The following TBC1D4 variants were observed in gnomAD, a reference collection of about 807,000 sequenced individuals.
TBC1D4 encodes the protein TBC (Tre-2, BUB2, CDC16) domain-containing protein.
In TBC1D4, 121 loss-of-function variants were observed where a neutral mutation model predicts 142.5. That is an observed-to-expected ratio of 0.85 (90% CI 0.73 to 0.99). The LOEUF (loss-of-function observed/expected upper bound fraction) is 0.99. TBC1D4 is among the 50% of genes least tolerant of loss of function. The probability of loss-of-function intolerance (pLI) is 0.00; values close to 1 mark genes in which losing one functional copy is unlikely to be tolerated. For synonymous variants in TBC1D4, 630 were observed against 628.2 expected, an observed-to-expected ratio of 1.00 and a Z score of -0.04; for missense variants, 1,475 against 1,606.6, an observed-to-expected ratio of 0.92 and a Z score of 1.40.
At chr13:75,292,598 T>G (rs1354214819) in intron 18 of TBC1D4, among the ~76,000 whole-genome samples, 2 of 151,990 alleles carry the variant, frequency 1.3e-5, no homozygotes, top group Non-Finnish European at 2.9e-5. Flanking sequence ...GATATTTAGA[T>G]TTTTCTTCAC....
At chr13:75,341,310 G>GT in intron 6 of TBC1D4, 75 bp from the exon 7 acceptor site, 5 of 1,450,246 alleles carry the variant, frequency 3.4e-6, no homozygotes, top group Non-Finnish European at 4.8e-6. Flanking sequence ...GCAGACAAAC[G>GT]TAAATAAAGC....
At chr13:75,405,423 C>T (rs1010607280) in intron 1 of TBC1D4, among the ~76,000 whole-genome samples, 1 of 152,044 alleles carries the variant, frequency 6.6e-6, no homozygotes, top group Non-Finnish European at 1.5e-5. Context: ...GTGCACGCTG[C>T]CATACCCAGC....
intron 1 of TBC1D4, among the ~76,000 whole-genome samples, chr13:75,411,204 T>C (rs1390989978): frequency 1.3e-5 from 2 of 152,188 alleles, no homozygotes; most frequent in African/African-American, 4.8e-5. Flanking sequence ...ACTCAAATTC[T>C]AATACTGATG....
At chr13:75,435,215 C>T (rs1397799547) in intron 1 of TBC1D4, among the ~76,000 whole-genome samples, 1 of 151,464 alleles carries the variant, frequency 6.6e-6, no homozygotes, top group African/African-American at 2.4e-5. Context: ...AAACTATCAA[C>T]AGTAAACAGA....
In TBC1D4 at chr13:75,481,432, G is replaced by A; in HGVS notation, c.336C>T (p.Pro112=). The part of the protein sequence containing the change: ...SGGTSPSATQ[P]NPAVFIFEHK... Reference sequence around the variant, plus strand: ...GCTCGAAGATGAATACCGCCGGGTTGGGCTGCGTGGCCGACGGACTAGTGC... The same window carrying A: ...GCTCGAAGATGAATACCGCCGGGTTAGGCTGCGTGGCCGACGGACTAGTGC... The change falls in exon 1 of 21, where the codon CCC becomes CCT. Residue 112 remains proline, a synonymous_variant. Coordinates refer to ENST00000377636, the MANE Select transcript of TBC1D4 (RefSeq NM_014832.5). 1 of 1,613,820 alleles carries A rather than the reference G, an allele frequency of 6.2e-7. No individual in the cohort carries two copies. Among genetic ancestry groups the A allele is most frequent in the Non-Finnish European group, 8.5e-7 (1 of 1,179,790 alleles).
intron 1 of TBC1D4, among the ~76,000 whole-genome samples, chr13:75,365,590 T>C (rs1024557304): frequency 2.3e-4 from 35 of 152,236 alleles, no homozygotes; most frequent in African/African-American, 8.2e-4. Flanking sequence ...TACAATATTT[T>C]GGAATCATAG....
chr13:75,395,844 A>G (rs536133582), intron 1 of TBC1D4, among the ~76,000 whole-genome samples: 221 of 152,248 alleles, frequency 1.5e-3, no homozygotes, highest in African/African-American at 5.1e-3. Flanking sequence ...AAATAAATAC[A>G]TAAAAATAAA....
At chr13:75,460,364 A>G (rs373378356) in intron 1 of TBC1D4, among the ~76,000 whole-genome samples, 1 of 152,184 alleles carries the variant, frequency 6.6e-6, no homozygotes, top group African/African-American at 2.4e-5. Context: ...ATGGGGATTG[A>G]TATCAAGAAG....
At chr13:75,305,885 T>C (rs1211072183) in intron 15 of TBC1D4, among the ~76,000 whole-genome samples, 1 of 152,140 alleles carries the variant, frequency 6.6e-6, no homozygotes, top group Non-Finnish European at 1.5e-5. Flanking sequence ...AATGAATGGA[T>C]GAAAGAAAAT....
At chr13:75,315,369 T>TAC (rs796479326) in intron 12 of TBC1D4, among the ~76,000 whole-genome samples, 131 of 137,830 alleles carry the variant, frequency 9.5e-4, no homozygotes, top group African/African-American at 2.4e-3. Context: ...TATATATATA[T>TAC]ACACACACAC....
chr13:75,446,173 G>T (rs1397614663), intron 1 of TBC1D4, among the ~76,000 whole-genome samples: 2 of 152,292 alleles, frequency 1.3e-5, no homozygotes, highest in East Asian at 3.9e-4. Context: ...TGAGAAGAAT[G>T]TAATATGATT....
rs1886840964 is a variant in TBC1D4, at chr13:75,437,351, AAATT to A, written c.498+43915_498+43918del. 2.0e-5 allele frequency among the ~76,000 whole-genome samples: 3 copies of A among 152,202 alleles called. No homozygotes were observed. In the South Asian group the frequency reaches 6.2e-4, roughly 32 times the overall value. On this transcript the variant is annotated intron_variant, in intron 1 of 20. Coordinates refer to ENST00000377636, the MANE Select transcript of TBC1D4 (RefSeq NM_014832.5). The stretch of plus-strand genomic sequence containing the variant: ...CAACTTATTTTTAAGTTGTTAAAAA[AAATT>A]ATAGTAACAAGGAGAACTATATTGT...
intron 1 of TBC1D4, among the ~76,000 whole-genome samples, chr13:75,472,422 G>GA (rs1161382661): frequency 6.6e-6 from 1 of 151,248 alleles, no homozygotes; most frequent in Non-Finnish European, 1.5e-5. Context: ...CCGTCTCAGA[G>GA]AAAAAAAATA....
Position 75,373,946 on chromosome 13 carries a change from T to G in TBC1D4, c.499-11339A>C, listed in dbSNP as rs560736274. On this transcript the variant is annotated intron_variant, in intron 1 of 20. Transcript: ENST00000377636. ...TGACCCAAACAACAAAACTTTCTTT[T>G]CATCTTTGATTGCAGAAAAGAATAA... 3.3e-5 allele frequency among the ~76,000 whole-genome samples: 5 copies of G among 152,338 alleles called. 1 individual carries two copies. Among genetic ancestry groups the G allele is most frequent in the African/African-American group, 1.2e-4 (5 of 41,582 alleles).
rs140479931 is a variant in TBC1D4 at position 75,429,985 on chromosome 13, A to G, written c.498+51285T>C. Among the ~76,000 whole-genome samples the G allele has an allele frequency of 1.4e-3, 210 of 152,358 alleles. 1 individual carries two copies. Among genetic ancestry groups the G allele is most frequent in the African/African-American group, 4.9e-3 (202 of 41,578 alleles). On this transcript the variant is annotated intron_variant, in intron 1 of 20. Coordinates refer to ENST00000377636, the MANE Select transcript of TBC1D4 (RefSeq NM_014832.5). ...CTGGAATAGGAGAAGAGCTAGAGTT[A>G]GTCCACATAGAATGAGCAAGACTAG...
intron 1 of TBC1D4, among the ~76,000 whole-genome samples, chr13:75,437,461 T>C (rs1886845862): frequency 6.6e-6 from 1 of 152,212 alleles, no homozygotes; most frequent in African/African-American, 2.4e-5. Context: ...TTTGTATTAT[T>C]CTTTCAATGT....
intron 1 of TBC1D4, among the ~76,000 whole-genome samples, chr13:75,471,364 G>A (rs1297423800): frequency 6.6e-6 from 1 of 152,168 alleles, no homozygotes; most frequent in Non-Finnish European, 1.5e-5. Context: ...TAAAATTAAT[G>A]GAGCAAGATA....
At chr13:75,319,501 A>G (rs1270063361) in intron 12 of TBC1D4, among the ~76,000 whole-genome samples, 1 of 152,238 alleles carries the variant, frequency 6.6e-6, no homozygotes, top group East Asian at 1.9e-4. Context: ...TGTCCAGACA[A>G]ATGGGAGGTC....
At chr13:75,343,329 A>C (rs773854139) in intron 5 of TBC1D4, among the ~76,000 whole-genome samples, 12 of 152,232 alleles carry the variant, frequency 7.9e-5, no homozygotes, top group South Asian at 2.1e-4. Flanking sequence ...CCACACGGCC[A>C]CCAGGCCTGC....
Sources: gnomAD v4.1 joint callset for allele counts (sites outside exome capture counted in the v4.1 genomes callset) on GRCh38, gnomAD v4.1.1 for gene constraint, MANE v1.5 for transcripts, NCBI Gene and HGNC (gene_info 2026-07-23, HGNC 2026-07-21) for gene names.